The following PGRMC2 variants were observed in gnomAD, a reference collection of about 807,000 sequenced individuals.
PGRMC2 encodes membrane-associated progesterone receptor component 2.
A neutral mutation model predicts 19.3 loss-of-function variants in PGRMC2; 9 were observed. That is an observed-to-expected ratio of 0.47 (90% CI 0.28 to 0.81). PGRMC2 has a LOEUF of 0.81. Among genes scored for constraint, PGRMC2 ranks in the 40% least tolerant of loss-of-function variants. The pLI is 0.11. For synonymous variants in PGRMC2, 157 were observed against 124.6 expected (o/e 1.26, Z -1.73); for missense variants, 289 against 297.3 (o/e 0.97, Z 0.21).
chr4:128,283,982 T>TA (rs1309122622), intron 1 of PGRMC2, among the ~76,000 whole-genome samples: 8 of 150,912 alleles, frequency 5.3e-5, no homozygotes, highest in African/African-American at 2.0e-4. Context: ...TTTTTATTTT[T>TA]TTTTTTTTAG....
chr4:128,274,537 A>AAAGG (rs137964198), intron 1 of PGRMC2, among the ~76,000 whole-genome samples: 1 of 128,222 alleles, frequency 7.8e-6, no homozygotes, highest in African/African-American at 2.9e-5. Flanking sequence ...AAAAAAAAAA[A>AAAGG]GGTATTAACC....
chr4:128,287,448 G>A lies in PGRMC2; in HGVS notation c.343C>T (p.Arg115Cys), dbSNP rs749497788. ...ACCGCGAGCAGGATGCGCGGGTTGCGGGAGCCGTCGTACTGGCGCAGCTGC... is the reference window on the plus strand; with the variant it reads ...ACCGCGAGCAGGATGCGCGGGTTGCAGGAGCCGTCGTACTGGCGCAGCTGC... Reference protein sequence around the residue: ...LEQLRQYDGSRNPRILLAVNG... With the variant: ...LEQLRQYDGSCNPRILLAVNG... Residue 115 changes from arginine to cysteine, a missense_variant, in exon 1 of 3, where the codon CGC becomes TGC. Arg to Cys is a radical substitution (Grantham distance 180). Transcript: ENST00000296425. 41 of 1,613,314 alleles carry A rather than the reference G, an allele frequency of 2.5e-5. No individual in the cohort carries two copies. The highest frequency in any genetic ancestry group is 3.2e-5 in the Non-Finnish European group (38 of 1,179,544).
chr4:128,272,975 C>T lies in PGRMC2; in HGVS notation c.419-458G>A, dbSNP rs553671217. On this transcript the variant is annotated intron_variant, in intron 1 of 2. Transcript: ENST00000296425. ...GACTCAGCTGAACTTGAATCTGTAACATTTTTCTTTCTGCTATCCTTATGA... is the reference window on the plus strand; with the variant it reads ...GACTCAGCTGAACTTGAATCTGTAATATTTTTCTTTCTGCTATCCTTATGA... 3.3e-5 allele frequency: 5 copies of T among 152,312 alleles called. No homozygotes were observed. The South Asian group carries it at 8.3e-4, about 25-fold the overall frequency. 9.4% of individuals were successfully genotyped at this position (152,312 alleles called of 1,614,324 possible). A position where few individuals can be genotyped will look rare whatever the true frequency, so the allele number is the denominator to read the frequency against.
rs529187775 is a variant in PGRMC2, at chr4:128,277,714, A to G, written c.419-5197T>C. On this transcript the variant is annotated intron_variant, in intron 1 of 2. Coordinates refer to ENST00000296425, the MANE Select transcript of PGRMC2 (RefSeq NM_006320.6). Reference sequence around the variant, plus strand: ...CTATCAACAAATGAGGCAATATGTAAAAGTGATTAACTGAACTAATAAATT... The same window carrying G: ...CTATCAACAAATGAGGCAATATGTAGAAGTGATTAACTGAACTAATAAATT... Among the ~76,000 whole-genome samples, 104 of 152,342 alleles carry G rather than the reference A, an allele frequency of 6.8e-4. 2 individuals carry two copies. The highest frequency in any genetic ancestry group is 2.1e-3 in the Admixed American group (32 of 15,306).
intron 1 of PGRMC2, among the ~76,000 whole-genome samples, chr4:128,283,046 C>T (rs184403486): frequency 6.9e-4 from 105 of 152,250 alleles, no homozygotes; most frequent in African/African-American, 2.2e-3. Flanking sequence ...GGTTCAACAA[C>T]GCAAAATAAA....
chr4:128,285,186 C>A (rs186253590), intron 1 of PGRMC2, among the ~76,000 whole-genome samples: 6 of 152,214 alleles, frequency 3.9e-5, no homozygotes, highest in African/African-American at 1.4e-4. Context: ...AGTGCAATGG[C>A]GCAATCTCGG....
intron 2 of PGRMC2, among the ~76,000 whole-genome samples, chr4:128,271,824 G>GTT (rs1322238918): frequency 6.6e-6 from 1 of 152,184 alleles, no homozygotes; most frequent in African/African-American, 2.4e-5. Flanking sequence ...AAAAACTGAT[G>GTT]TTATGAGGGC....
In PGRMC2 at chr4:128,280,891, C is replaced by T. The variant is rs969364355; in HGVS notation, c.418+6482G>A. On this transcript the variant is annotated intron_variant, in intron 1 of 2. Transcript: ENST00000296425. ...GTAGGATTATAGGCATGAGCCACTG[C>T]GCCTGGCCCAATCTACAATTTTATA... Among the ~76,000 whole-genome samples the T allele has an allele frequency of 3.9e-5, 6 of 152,160 alleles. 1 individual carries two copies. The highest frequency in any genetic ancestry group is 4.1e-4 in the South Asian group (2 of 4,822).
chr4:128,276,470 C>T (rs1442133062), intron 1 of PGRMC2, among the ~76,000 whole-genome samples: 1 of 152,122 alleles, frequency 6.6e-6, no homozygotes, highest in Admixed American at 6.5e-5. Context: ...TTGGGTGTGG[C>T]ACCACGCCCA....
intron 1 of PGRMC2, among the ~76,000 whole-genome samples, chr4:128,283,345 A>C (rs1050912142): frequency 6.6e-6 from 1 of 152,170 alleles, no homozygotes; most frequent in Non-Finnish European, 1.5e-5. Context: ...AGCGATACTA[A>C]GCTCAATAAA....
intron 1 of PGRMC2, among the ~76,000 whole-genome samples, chr4:128,284,862 A>G (rs556103790): frequency 6.6e-6 from 1 of 152,314 alleles, no homozygotes; most frequent in Non-Finnish European, 1.5e-5. Context: ...TACTTATTAC[A>G]TTTTCTATTA....
intron 1 of PGRMC2, among the ~76,000 whole-genome samples, chr4:128,286,316 C>T (rs1026431337): frequency 6.6e-6 from 1 of 152,022 alleles, no homozygotes; most frequent in African/African-American, 2.4e-5. Flanking sequence ...TGTTGCTCAA[C>T]TGTATGATAT....
chr4:128,287,238 T>C, intron 1 of PGRMC2, 135 bp downstream of exon 1: 1 of 978,386 alleles, frequency 1.0e-6, no homozygotes, highest in Non-Finnish European at 1.5e-6. Flanking sequence ...CCGTCCCAGG[T>C]GCGGCGGCCG....
chr4:128,280,403 A>G (rs1315786484), intron 1 of PGRMC2, among the ~76,000 whole-genome samples: 1 of 150,548 alleles, frequency 6.6e-6, no homozygotes, highest in Non-Finnish European at 1.5e-5. Flanking sequence ...ACTTGAGTAG[A>G]GTTTGGTACA....
At chr4:128,272,585 A>C in intron 1 of PGRMC2, 68 bp from the exon 2 acceptor site, 1 of 98,488 alleles carries the variant, frequency 1.0e-5, no homozygotes, top group Non-Finnish European at 1.6e-5. Context: ...AGGAAAAAGT[A>C]AAAAAAAAAA....
At chr4:128,283,207 G>C (rs1274803321) in intron 1 of PGRMC2, among the ~76,000 whole-genome samples, 1 of 152,194 alleles carries the variant, frequency 6.6e-6, no homozygotes, top group Non-Finnish European at 1.5e-5. Flanking sequence ...GTAAACATGT[G>C]AAACTGAATA....
intron 1 of PGRMC2, chr4:128,286,641 C>T (rs766901596): frequency 1.1e-4 from 42 of 398,334 alleles, no homozygotes; most frequent in Non-Finnish European, 1.5e-4. Flanking sequence ...GGAGCTCCAC[C>T]CCCAAAACTC....
Position 128,287,802 on chromosome 4 carries a change from A to G in PGRMC2, c.-12T>C, listed in dbSNP as rs371210722. On this transcript the variant is annotated 5_prime_UTR_variant, in exon 1 of 3. Coordinates refer to ENST00000296425, the MANE Select transcript of PGRMC2 (RefSeq NM_006320.6). ...TCACCAGCCGCCATCACTGCCCGCC[A>G]GCGCCTTCCTCCTCCTCCCCGCCCC... 11 of 1,511,128 alleles carry G rather than the reference A, an allele frequency of 7.3e-6. No homozygotes were observed. The highest frequency in any genetic ancestry group is 1.9e-4 in the Middle Eastern group (1 of 5,314). The allele number at this position is 1,511,128 out of a possible 1,614,324, so 93.6% of individuals were successfully genotyped here.
At chr4:128,287,332 C>A (rs760079893) in intron 1 of PGRMC2, 41 bp downstream of exon 1, 1 of 1,559,442 alleles carries the variant, frequency 6.4e-7, no homozygotes, top group Non-Finnish European at 8.7e-7. Context: ...GGTTGTGCTT[C>A]AGCTGCAGGG....
Sources: gnomAD v4.1 joint callset for allele counts (sites outside exome capture counted in the v4.1 genomes callset) on GRCh38, gnomAD v4.1.1 for gene constraint, MANE v1.5 for transcripts, NCBI Gene and HGNC (gene_info 2026-07-23, HGNC 2026-07-21) for gene names.